PDE1C: variants seen among roughly 807,000 people sequenced by gnomAD.
PDE1C encodes the protein phosphodiesterase 1C.
In PDE1C, 62 loss-of-function variants were observed where a neutral mutation model predicts 93.1. That is an observed-to-expected ratio of 0.67 (90% CI 0.54 to 0.82). The LOEUF is 0.82. PDE1C is among the 40% of genes least tolerant of loss of function. PDE1C has a pLI of 0.00. For missense variants in PDE1C, 742 were observed against 884.6 expected, an observed-to-expected ratio of 0.84 and a Z score of 2.04; for synonymous variants, 325 against 310.1, an observed-to-expected ratio of 1.05 and a Z score of -0.50.
chr7:32,251,417 G>A (rs950710831), intron 1 of PDE1C, among the ~76,000 whole-genome samples: 5 of 152,140 alleles, frequency 3.3e-5, no homozygotes, highest in African/African-American at 1.2e-4. Flanking sequence ...AGGCACCTTC[G>A]TCATCCTTCA....
intron 16 of PDE1C, among the ~76,000 whole-genome samples, chr7:31,780,587 C>T (rs1759792828): frequency 6.6e-6 from 1 of 152,128 alleles, no homozygotes. Flanking sequence ...AGCAAATGAA[C>T]AAACAACTAT....
intron 2 of PDE1C, among the ~76,000 whole-genome samples, chr7:31,971,503 T>C (rs1433102774): frequency 2.0e-5 from 3 of 152,194 alleles, no homozygotes; most frequent in Non-Finnish European, 2.9e-5. Flanking sequence ...AAGCGCTTAG[T>C]GCTTGGCTTG....
intron 14 of PDE1C, chr7:31,820,518 A>C (rs970234426): frequency 1.6e-4 from 24 of 152,140 alleles, no homozygotes; most frequent in African/African-American, 5.5e-4. Flanking sequence ...AATAATTATC[A>C]GTTCTTGCCT....
At chr7:31,773,356 C>T (rs1279708809) in intron 17 of PDE1C, among the ~76,000 whole-genome samples, 2 of 152,016 alleles carry the variant, frequency 1.3e-5, no homozygotes, top group African/African-American at 2.4e-5. Context: ...ACCCAGTGGC[C>T]ATCCCTGGGT....
At chr7:31,622,250 C>T in the PDE1C span, among the ~76,000 whole-genome samples, 44 of 148,920 alleles carry the variant, frequency 3.0e-4, no homozygotes, top group Admixed American at 1.2e-3. Flanking sequence ...CTGCACCAAG[C>T]GGACCTAATA....
At chr7:31,717,762 C>T in the PDE1C span, among the ~76,000 whole-genome samples, 1 of 152,150 alleles carries the variant, frequency 6.6e-6, no homozygotes, top group Non-Finnish European at 1.5e-5. Context: ...TTCTCTGCTA[C>T]AGAGACAGGC....
chr7:31,645,235 G>C, the PDE1C span, among the ~76,000 whole-genome samples: 1 of 152,158 alleles, frequency 6.6e-6, no homozygotes, highest in African/African-American at 2.4e-5. Context: ...ATTAACATTA[G>C]AAAGTGATTA....
rs964134878 is a variant in PDE1C, at chr7:32,427,546, G to T, written c.310+276C>A. Among the ~76,000 whole-genome samples the T allele has an allele frequency of 3.9e-5, 6 of 152,140 alleles. No homozygotes were observed. The South Asian group carries it at 6.2e-4, about 16-fold the overall frequency. On this transcript the variant is annotated intron_variant, in intron 1 of 1. Transcript: ENST00000672256. ...TTGCCTTTCCAAGACAACAAGAAAG[G>T]CTTCTCCCCATGGTGCCGGCCCCGG...
At chr7:31,659,185 C>T in the PDE1C span, among the ~76,000 whole-genome samples, 2 of 152,114 alleles carry the variant, frequency 1.3e-5, no homozygotes, top group African/African-American at 2.4e-5. Flanking sequence ...CTTGTTTCTA[C>T]TTTGGATCAT....
chr7:31,770,388 T>C (rs1270999005), intron 17 of PDE1C, among the ~76,000 whole-genome samples: 1 of 152,246 alleles, frequency 6.6e-6, no homozygotes, highest in East Asian at 1.9e-4. Context: ...CACAAAAGTT[T>C]TTTATTTTAA....
chr7:32,149,190 A>G (rs1301704560), intron 3 of PDE1C, among the ~76,000 whole-genome samples: 2 of 152,202 alleles, frequency 1.3e-5, no homozygotes, highest in Admixed American at 1.3e-4. Flanking sequence ...ATCCTCCCCA[A>G]CGTCCTATGT....
chr7:31,899,168 T>C (rs4723107), intron 2 of PDE1C, among the ~76,000 whole-genome samples: 60,164 of 138,088 alleles, frequency 0.44, 14,612 homozygotes, highest in Non-Finnish European at 0.55. Context: ...AGACGGAGTC[T>C]TGCTCTGTCG....
intron 2 of PDE1C, among the ~76,000 whole-genome samples, chr7:32,202,646 T>G (rs1194399637): frequency 1.3e-5 from 2 of 152,134 alleles, no homozygotes; most frequent in Non-Finnish European, 2.9e-5. Flanking sequence ...GAAGTCCCCT[T>G]GTGGGCAAGC....
At chr7:31,862,694 C>A (rs940211026) in intron 7 of PDE1C, among the ~76,000 whole-genome samples, 1 of 152,158 alleles carries the variant, frequency 6.6e-6, no homozygotes, top group Non-Finnish European at 1.5e-5. Context: ...CTACCTAATA[C>A]CATCACATTG....
chr7:32,421,720 TCCC>T, intron 1 of PDE1C, among the ~76,000 whole-genome samples: 1 of 152,124 alleles, frequency 6.6e-6, no homozygotes, highest in Non-Finnish European at 1.5e-5. Context: ...TGATTTAAAT[TCCC>T]TTCCCTTATT....
intron 2 of PDE1C, among the ~76,000 whole-genome samples, chr7:31,989,409 C>T (rs977603029): frequency 3.9e-5 from 6 of 152,172 alleles, no homozygotes; most frequent in East Asian, 1.9e-4. Context: ...AAACCCAGAA[C>T]ATTTCCATAA....
At chr7:32,233,454 A>G (rs1371527779) in intron 1 of PDE1C, among the ~76,000 whole-genome samples, 2 of 152,146 alleles carry the variant, frequency 1.3e-5, no homozygotes, top group African/African-American at 4.8e-5. Flanking sequence ...CTCAAATATT[A>G]TGCTATAGAA....
chr7:32,398,925 G>T (rs185210351), intron 1 of PDE1C, among the ~76,000 whole-genome samples: 1 of 152,232 alleles, frequency 6.6e-6, no homozygotes, highest in African/African-American at 2.4e-5. Context: ...AGCACATAGG[G>T]TAACTTTTCC....
chr7:32,093,273 A>C (rs1797574090), intron 3 of PDE1C, among the ~76,000 whole-genome samples: 1 of 152,218 alleles, frequency 6.6e-6, no homozygotes, highest in Non-Finnish European at 1.5e-5. Flanking sequence ...AATTTACTGC[A>C]GAGCATTAAT....
Sources: allele counts gnomAD v4.1 joint callset (sites outside exome capture counted in the v4.1 genomes callset), GRCh38; gene constraint gnomAD v4.1.1; transcripts MANE v1.5; gene names NCBI Gene and HGNC (gene_info 2026-07-23, HGNC 2026-07-21).